Variants in PDE9A observed in about 807,000 individuals in gnomAD.
The protein encoded by PDE9A is phosphodiesterase 9A.
A neutral mutation model predicts 87.4 loss-of-function variants in PDE9A; 60 were observed. The ratio of observed to expected loss-of-function variants is 0.69; its 90% CI spans 0.56 to 0.85. The LOEUF is 0.85. Among genes scored for constraint, PDE9A ranks in the 40% least tolerant of loss-of-function variants. The pLI is 0.00. For missense variants in PDE9A, 665 were observed against 779.0 expected, an observed-to-expected ratio of 0.85 and a Z score of 1.74; for synonymous variants, 272 against 279.4, an observed-to-expected ratio of 0.97 and a Z score of 0.27.
Position 42,696,827 on chromosome 21 carries a change from G to A in PDE9A, c.219-2141G>A, listed in dbSNP as rs1482414034. On this transcript the variant is annotated intron_variant, in intron 3 of 19. Coordinates refer to ENST00000291539, the MANE Select transcript of PDE9A (RefSeq NM_002606.3). The surrounding 1 kb of genome is among the most constrained non-coding windows in gnomAD (Gnocchi z 5.1). ...CTGGGCACTGTGGACTTGCCCAGCT[G>A]AGCACAGGCATCAGGGGCTAGAGGG... Among the ~76,000 whole-genome samples the A allele has an allele frequency of 6.6e-6, 1 of 152,200 alleles. No homozygotes were observed. The highest frequency in any genetic ancestry group is 1.5e-5 in the Non-Finnish European group (1 of 68,038).
At position 42,659,257 on chromosome 21, in the gene PDE9A, T is replaced by C. The variant is rs2057312271; in HGVS notation, c.69+5374T>C. Among the ~76,000 whole-genome samples, 1 of 152,174 alleles carries C rather than the reference T, an allele frequency of 6.6e-6. No individual in the cohort carries two copies. The highest frequency in any genetic ancestry group is 1.5e-5 in the Non-Finnish European group (1 of 68,024). ...GTCCAGAGGCCCAGGAGGGGACAGC[T>C]GGAAGCCAGAAGCCCACCTGACGCC... is the stretch of plus-strand genomic sequence containing the variant. On this transcript the variant is annotated intron_variant, in intron 1 of 19. Transcript: ENST00000291539. This position sits in a 1 kb window ranked among gnomAD's most constrained non-coding sequence, Gnocchi z 4.1.
chr21:42,674,316 CTTT>C (rs34238765), intron 1 of PDE9A, among the ~76,000 whole-genome samples: 9 of 134,560 alleles, frequency 6.7e-5, no homozygotes, highest in South Asian at 2.4e-4. Flanking sequence ...TTTAGACATT[CTTT>C]TTTTTTTTTT....
chr21:42,746,528 C>T (rs773157028), intron 8 of PDE9A, among the ~76,000 whole-genome samples: 5 of 152,200 alleles, frequency 3.3e-5, no homozygotes, highest in Non-Finnish European at 7.3e-5. Context: ...TGTAAGGACA[C>T]CCATCCTATT....
intron 4 of PDE9A, among the ~76,000 whole-genome samples, chr21:42,720,521 A>G (rs115075579): frequency 0.054 from 8,144 of 152,104 alleles, 677 homozygotes; most frequent in African/African-American, 0.18. Flanking sequence ...AGTTCACCCC[A>G]CTACGGGCAA....
chr21:42,700,274 G>C (rs962465544), intron 4 of PDE9A, among the ~76,000 whole-genome samples: 1 of 152,128 alleles, frequency 6.6e-6, no homozygotes, highest in Non-Finnish European at 1.5e-5. Context: ...CATTTGGGTT[G>C]TTACCAGTCT....
At chr21:42,740,209 G>A (rs1466964832) in intron 7 of PDE9A, among the ~76,000 whole-genome samples, 1 of 152,094 alleles carries the variant, frequency 6.6e-6, no homozygotes, top group Non-Finnish European at 1.5e-5. Flanking sequence ...TTTGGGAGGT[G>A]AAGGCAGGAG....
Position 42,769,064 on chromosome 21 carries a change from C to T in PDE9A, c.1499C>T (p.Pro500Leu). 2.5e-6 allele frequency: 4 copies of T among 1,613,442 alleles called. No homozygotes were observed. Among genetic ancestry groups the T allele is most frequent in the South Asian group, 1.1e-5 (1 of 91,044 alleles). The stretch of plus-strand genomic sequence containing the variant: ...AAGTCAGAAGGCCTTCCTGTGGCAC[C>T]GTTCATGGACCGAGACAAAGTGACC... Reference protein sequence around the residue: ...REKSEGLPVAPFMDRDKVTKA... With the variant: ...REKSEGLPVALFMDRDKVTKA... Residue 500 changes from proline to leucine, a missense_variant, in exon 17 of 20, where the codon CCG becomes CTG. Transcript: ENST00000291539.
At chr21:42,729,298 C>T (rs941134262) in intron 4 of PDE9A, among the ~76,000 whole-genome samples, 2 of 152,020 alleles carry the variant, frequency 1.3e-5, no homozygotes, top group Non-Finnish European at 1.5e-5. Context: ...GTAGTGTTCC[C>T]GTATTATCCT....
intron 3 of PDE9A, among the ~76,000 whole-genome samples, chr21:42,688,860 G>T (rs2059625881): frequency 6.6e-6 from 1 of 152,234 alleles, no homozygotes; most frequent in Non-Finnish European, 1.5e-5. Context: ...GAAAGTGCAT[G>T]TCAGGCAGAC....
At chr21:42,676,563 G>T (rs374281) in intron 1 of PDE9A, among the ~76,000 whole-genome samples, 44,724 of 152,052 alleles carry the variant, frequency 0.29, 8,330 homozygotes, top group Admixed American at 0.44. Flanking sequence ...TTTCCAACTG[G>T]CATCATTCCC....
intron 8 of PDE9A, among the ~76,000 whole-genome samples, chr21:42,744,488 C>T: frequency 6.6e-6 from 1 of 152,172 alleles, no homozygotes; most frequent in East Asian, 1.9e-4. Context: ...CTTTTAAAGA[C>T]AGAACAAGAA....
chr21:42,754,785 C>T (rs953575788), intron 10 of PDE9A, among the ~76,000 whole-genome samples: 8 of 152,156 alleles, frequency 5.3e-5, no homozygotes, highest in Admixed American at 3.3e-4. Context: ...CTTTTGCCTG[C>T]CGCCATTTAA....
At chr21:42,698,694 C>G (rs2146318223) in intron 3 of PDE9A, among the ~76,000 whole-genome samples, 1 of 152,276 alleles carries the variant, frequency 6.6e-6, no homozygotes, top group Non-Finnish European at 1.5e-5. Context: ...CTTGATACAG[C>G]ACCTGTGATC....
chr21:42,708,360 A>T (rs2049012539), intron 4 of PDE9A, among the ~76,000 whole-genome samples: 1 of 152,116 alleles, frequency 6.6e-6, no homozygotes. Flanking sequence ...CTGACGGCAG[A>T]TTTGAGTAAA....
At chr21:42,714,949 C>T (rs370098882) in intron 4 of PDE9A, among the ~76,000 whole-genome samples, 1 of 145,590 alleles carries the variant, frequency 6.9e-6, no homozygotes, top group Non-Finnish European at 1.5e-5. Context: ...TGTCTTTGTT[C>T]ATATGGTTGG....
chr21:42,724,887 C>G (rs1296715035), intron 4 of PDE9A, among the ~76,000 whole-genome samples: 1 of 152,222 alleles, frequency 6.6e-6, no homozygotes, highest in African/African-American at 2.4e-5. Flanking sequence ...CAAATCCTGT[C>G]GTGCTCAAAG....
At chr21:42,726,858 G>C (rs1002256138) in intron 4 of PDE9A, among the ~76,000 whole-genome samples, 6 of 150,488 alleles carry the variant, frequency 4.0e-5, no homozygotes, top group African/African-American at 1.5e-4. Context: ...TCAGTTGGGC[G>C]TATTTGTATG....
chr21:42,757,311 T>C (rs2055181336), intron 10 of PDE9A: 1 of 152,142 alleles, frequency 6.6e-6, no homozygotes, highest in African/African-American at 2.4e-5. Flanking sequence ...AGTGGGGGAG[T>C]TTCCAGTTTT....
rs763576131 is a variant in PDE9A at position 42,675,608 on chromosome 21, G to A, written c.70-10584G>A. Among the ~76,000 whole-genome samples, 24 of 152,184 alleles carry A rather than the reference G, an allele frequency of 1.6e-4. No individual in the cohort carries two copies. The highest frequency in any genetic ancestry group is 2.9e-4 in the Non-Finnish European group (20 of 68,034). On this transcript the variant is annotated intron_variant, in intron 1 of 19. Coordinates refer to ENST00000291539, the MANE Select transcript of PDE9A (RefSeq NM_002606.3). The surrounding 1 kb of genome is among the most constrained non-coding windows in gnomAD (Gnocchi z 4.3). Reference sequence around the variant, plus strand: ...GTGTGGATACACGGGCCCGAACGGCGCCAGCCTCACTGCCTCTGCGTTAGT... The same window carrying A: ...GTGTGGATACACGGGCCCGAACGGCACCAGCCTCACTGCCTCTGCGTTAGT...
Sources: gnomAD v4.1 joint callset for allele counts (sites outside exome capture counted in the v4.1 genomes callset) on GRCh38, gnomAD v4.1.1 for gene constraint, Gnocchi (gnomAD v3.1) non-coding constraint, MANE v1.5 for transcripts, NCBI Gene and HGNC (gene_info 2026-07-23, HGNC 2026-07-21) for gene names.